The following CSMD1 variants were observed in gnomAD, a reference collection of about 807,000 sequenced individuals.
CSMD1 encodes CUB and Sushi multiple domains 1, also known as CUB and sushi domain-containing protein 1.
Under a neutral mutation model 417.5 loss-of-function variants are expected in CSMD1, and 213 were observed. The observed-to-expected ratio is 0.51, with a 90% CI of 0.46 to 0.57. The LOEUF is 0.57. CSMD1 is among the 20% of genes least tolerant of loss of function. The pLI is 0.00. For missense variants in CSMD1, 6,923 were observed against 4,529.7 expected (o/e 1.53, Z -15.17); for synonymous variants, 2,862 against 1,736.8 (o/e 1.65, Z -16.11).
chr8:3,069,368 G>T (rs532360234), intron 49 of CSMD1, among the ~76,000 whole-genome samples: 1 of 152,028 alleles, frequency 6.6e-6, no homozygotes, highest in Non-Finnish European at 1.5e-5. Flanking sequence ...CTGGAAGGTG[G>T]AGGTTGCAGT....
rs375006851 is a variant in CSMD1 at position 3,171,212 on chromosome 8, G to C, written c.5726-8935C>G. Among the ~76,000 whole-genome samples, 13 of 152,274 alleles carry C rather than the reference G, an allele frequency of 8.5e-5. No homozygotes were observed. The East Asian group carries it at 1.7e-3, about 20-fold the overall frequency. On this transcript the variant is annotated intron_variant, in intron 37 of 69. Coordinates refer to ENST00000635120, the MANE Select transcript of CSMD1 (RefSeq NM_033225.6). Reference sequence around the variant, plus strand: ...AATTATAGATCCTTTATAAAGTATCGCATGACTTCCTGGTGAACTGTGATA... The same window carrying C: ...AATTATAGATCCTTTATAAAGTATCCCATGACTTCCTGGTGAACTGTGATA...
At chr8:3,733,248 TAA>T (rs1796359346) in intron 6 of CSMD1, among the ~76,000 whole-genome samples, 2 of 107,004 alleles carry the variant, frequency 1.9e-5, no homozygotes, top group South Asian at 7.0e-4. Flanking sequence ...TTACACATAT[TAA>T]TATATATACA....
intron 3 of CSMD1, among the ~76,000 whole-genome samples, chr8:4,338,724 AT>A (rs1455209665): frequency 6.6e-6 from 1 of 152,040 alleles, no homozygotes; most frequent in African/African-American, 2.4e-5. Context: ...TTTAACTCAG[AT>A]TTTTTTCGCC....
chr8:4,535,221 A>T (rs1195042951), intron 2 of CSMD1, among the ~76,000 whole-genome samples: 1 of 152,228 alleles, frequency 6.6e-6, no homozygotes, highest in African/African-American at 2.4e-5. Context: ...AACATAGTCA[A>T]TAACTACATT....
intron 9 of CSMD1, among the ~76,000 whole-genome samples, chr8:3,578,271 A>G (rs1800235326): frequency 6.6e-6 from 1 of 151,944 alleles, no homozygotes; most frequent in East Asian, 1.9e-4. Context: ...AGAAGAGATG[A>G]CCCAGGGCTG....
In CSMD1 at chr8:3,106,588, T is replaced by C. The variant is rs770561824; in HGVS notation, c.6889A>G (p.Ile2297Val). The part of the protein sequence containing the change: ...HPGYTLVGTD[I>V]LTCKLSSQLQ... ...TGGGAACTGAGCTTGCAAGTCAGAATGTCGGTCCCCACCAAGGTGTACCCG... is the reference window on the plus strand; with the variant it reads ...TGGGAACTGAGCTTGCAAGTCAGAACGTCGGTCCCCACCAAGGTGTACCCG... Residue 2297 changes from isoleucine (I) to valine (V), a missense_variant, in exon 46 of 70, where the codon ATT becomes GTT. Transcript: ENST00000635120. The C allele has an allele frequency of 5.6e-6, 9 of 1,613,884 alleles. No individual in the cohort carries two copies. The highest frequency in any genetic ancestry group is 7.6e-6 in the Non-Finnish European group (9 of 1,179,824).
chr8:4,056,119 T>A, intron 3 of CSMD1, among the ~76,000 whole-genome samples: 1 of 149,602 alleles, frequency 6.7e-6, no homozygotes, highest in Non-Finnish European at 1.5e-5. Flanking sequence ...TCTCACTTTG[T>A]CACCCAAGCT....
chr8:4,613,540 A>C (rs892609863), intron 2 of CSMD1, among the ~76,000 whole-genome samples: 23 of 152,330 alleles, frequency 1.5e-4, no homozygotes, highest in Non-Finnish European at 1.3e-4. Flanking sequence ...CTGTAAGCCC[A>C]GCACTTTCAC....
intron 6 of CSMD1, among the ~76,000 whole-genome samples, chr8:3,717,578 TA>T (rs1801912820): frequency 6.6e-6 from 1 of 152,166 alleles, no homozygotes; most frequent in African/African-American, 2.4e-5. Context: ...AATTTTTAAA[TA>T]ATCAAGAAGA....
intron 1 of CSMD1, among the ~76,000 whole-genome samples, chr8:4,720,455 T>G (rs1032896576): frequency 3.9e-5 from 6 of 152,180 alleles, no homozygotes; most frequent in African/African-American, 1.4e-4. Context: ...TCTTGCTCTG[T>G]CACTCATGCT....
chr8:4,789,032 T>C (rs1797556192), intron 1 of CSMD1, among the ~76,000 whole-genome samples: 1 of 152,178 alleles, frequency 6.6e-6, no homozygotes, highest in African/African-American at 2.4e-5. Context: ...AGGGTCTCAC[T>C]CCTTGTTCCA....
At chr8:3,428,696 C>A (rs920320919) in intron 12 of CSMD1, among the ~76,000 whole-genome samples, 1 of 152,102 alleles carries the variant, frequency 6.6e-6, no homozygotes, top group East Asian at 1.9e-4. Context: ...AGTCATCCTA[C>A]TAGTGGGCAT....
chr8:3,789,878 C>T (rs1351501592), intron 5 of CSMD1, among the ~76,000 whole-genome samples: 1 of 151,926 alleles, frequency 6.6e-6, no homozygotes, highest in African/African-American at 2.4e-5. Context: ...ACTACAGCTG[C>T]CCACCACCAC....
intron 3 of CSMD1, among the ~76,000 whole-genome samples, chr8:4,381,629 C>T (rs1185286495): frequency 1.3e-5 from 2 of 152,148 alleles, no homozygotes; most frequent in East Asian, 1.9e-4. Flanking sequence ...CTGATCCCTC[C>T]ACCCCTTGTA....
At chr8:3,034,485 CT>C (rs1223811371) in intron 50 of CSMD1, among the ~76,000 whole-genome samples, 1 of 152,068 alleles carries the variant, frequency 6.6e-6, no homozygotes, top group Non-Finnish European at 1.5e-5. Flanking sequence ...AATCTTCTGT[CT>C]TGAGGTACAA....
At chr8:3,992,615 G>C (rs968247940) in intron 5 of CSMD1, among the ~76,000 whole-genome samples, 1 of 152,076 alleles carries the variant, frequency 6.6e-6, no homozygotes, top group South Asian at 2.1e-4. Context: ...ACGTCCGTGT[G>C]TCTACAAAAA....
chr8:3,492,815 T>A (rs1370155040), intron 11 of CSMD1, among the ~76,000 whole-genome samples: 2 of 152,086 alleles, frequency 1.3e-5, no homozygotes, highest in African/African-American at 2.4e-5. Flanking sequence ...AAAGGTACAC[T>A]GAGTCACCCC....
chr8:4,647,075 A>T (rs1803563387), intron 1 of CSMD1, among the ~76,000 whole-genome samples: 1 of 152,182 alleles, frequency 6.6e-6, no homozygotes, highest in South Asian at 2.1e-4. Context: ...GTCAGTTCTT[A>T]AGGGGTGTTT....
chr8:3,505,012 A>T (rs971862204), intron 10 of CSMD1, among the ~76,000 whole-genome samples: 1 of 71,030 alleles, frequency 1.4e-5, no homozygotes, highest in Non-Finnish European at 2.6e-5. Flanking sequence ...ATGGAGAAAC[A>T]GTTAAAAAAA....
Sources: gnomAD v4.1 joint callset for allele counts (sites outside exome capture counted in the v4.1 genomes callset) on GRCh38, gnomAD v4.1.1 for gene constraint, MANE v1.5 for transcripts, NCBI Gene and HGNC (gene_info 2026-07-23, HGNC 2026-07-21) for gene names.